AHCY: variants seen among roughly 807,000 people sequenced by gnomAD.
AHCY encodes the protein S-adenosyl-L-homocysteine hydrolase.
A neutral mutation model predicts 45.4 loss-of-function variants in AHCY; 24 were observed. The ratio of observed to expected loss-of-function variants is 0.53; its 90% CI spans 0.38 to 0.74. The LOEUF (loss-of-function observed/expected upper bound fraction) is 0.74. Among genes scored for constraint, AHCY ranks in the 30% least tolerant of loss-of-function variants. The pLI is 0.00. For missense variants in AHCY, 449 were observed against 594.1 expected (o/e 0.76, Z 2.54); for synonymous variants, 245 against 235.1 (o/e 1.04, Z -0.39).
chr20:34,253,873 C>T, the AHCY span, among the ~76,000 whole-genome samples: 1 of 152,106 alleles, frequency 6.6e-6, no homozygotes, highest in Non-Finnish European at 1.5e-5. Flanking sequence ...TTCTTTTTAT[C>T]CACCATGCTG....
chr20:34,271,756 G>T, the AHCY span, among the ~76,000 whole-genome samples: 1 of 151,856 alleles, frequency 6.6e-6, no homozygotes, highest in East Asian at 1.9e-4. Flanking sequence ...GTAGAGACAG[G>T]GTTTCACCAT....
At chr20:34,242,192 T>TTTTTA in the AHCY span, among the ~76,000 whole-genome samples, 3 of 151,568 alleles carry the variant, frequency 2.0e-5, no homozygotes, top group Non-Finnish European at 2.9e-5. Flanking sequence ...CTTTTTAAAA[T>TTTTTA]TTTTATTTTA....
chr20:34,248,422 C>T, the AHCY span, among the ~76,000 whole-genome samples: 2 of 152,166 alleles, frequency 1.3e-5, no homozygotes, highest in African/African-American at 4.8e-5. Context: ...CAGTCAAAAA[C>T]ATTATTATTC....
At chr20:34,307,733 A>G (rs903365109), upstream of AHCY, among the ~76,000 whole-genome samples, 7 of 152,248 alleles carry the variant, frequency 4.6e-5, no homozygotes, top group Non-Finnish European at 1.0e-4. Flanking sequence ...AGGTTTAATT[A>G]CAAATGATAA....
the AHCY span, among the ~76,000 whole-genome samples, chr20:34,235,845 GAAGGAAGGAAGGAAGGAAGGA>G: frequency 5.7e-4 from 21 of 36,632 alleles, no homozygotes; most frequent in African/African-American, 6.0e-3. Context: ...AAGAAAGAAG[GAAGGAAGGAAGGAAGGAAGGA>G]AAGGAAGGAA....
the AHCY span, among the ~76,000 whole-genome samples, chr20:34,256,688 A>G: frequency 6.6e-6 from 1 of 152,168 alleles, no homozygotes; most frequent in African/African-American, 2.4e-5. Context: ...TATATTATTT[A>G]TGGTAAGGAA....
the AHCY span, among the ~76,000 whole-genome samples, chr20:34,275,131 CTT>C: frequency 1.1e-3 from 111 of 99,436 alleles, no homozygotes; most frequent in South Asian, 3.3e-3. Flanking sequence ...TCTCTATTTT[CTT>C]TTTTTTTTTT....
At chr20:34,271,246 TCTC>T in the AHCY span, among the ~76,000 whole-genome samples, 1 of 152,022 alleles carries the variant, frequency 6.6e-6, no homozygotes, top group Non-Finnish European at 1.5e-5. Flanking sequence ...CCCACCTCCT[TCTC>T]CTTTTCAGAA....
chr20:34,281,610 G>C, intron 9 of AHCY: 2 of 269,640 alleles, frequency 7.4e-6, no homozygotes, highest in Non-Finnish European at 1.5e-5. Flanking sequence ...AGATCCGAGA[G>C]ACAGAAGGAC....
chr20:34,268,346 T>C, the AHCY span, among the ~76,000 whole-genome samples: 1 of 152,052 alleles, frequency 6.6e-6, no homozygotes, highest in East Asian at 1.9e-4. Flanking sequence ...GCAGCGAAGT[T>C]AACAGGGGTC....
chr20:34,297,174 G>A (rs1234183050), intron 1 of AHCY, among the ~76,000 whole-genome samples: 2 of 151,696 alleles, frequency 1.3e-5, no homozygotes, highest in Admixed American at 1.3e-4. Context: ...CTTTCCCTTT[G>A]AGAACTCACT....
the AHCY span, among the ~76,000 whole-genome samples, chr20:34,258,768 T>G: frequency 1.0e-5 from 1 of 100,378 alleles, no homozygotes; most frequent in Non-Finnish European, 1.9e-5. Flanking sequence ...ATGATATATA[T>G]AATATATATA....
At chr20:34,302,567 G>A (rs1390436321) in intron 1 of AHCY, 1 of 964,944 alleles carries the variant, frequency 1.0e-6, no homozygotes, top group Admixed American at 6.2e-5. Context: ...AGAAGGCAGT[G>A]CCGATCCCAC....
chr20:34,251,383 G>A, the AHCY span, among the ~76,000 whole-genome samples: 7 of 151,754 alleles, frequency 4.6e-5, no homozygotes, highest in East Asian at 1.4e-3. Context: ...CCATTCTCCT[G>A]CCTCAGCCTC....
At chr20:34,246,484 A>T in the AHCY span, 1 of 1,388,242 alleles carries the variant, frequency 7.2e-7, no homozygotes, top group Non-Finnish European at 1.0e-6. Flanking sequence ...CTAACTTGGC[A>T]CTGTTCCTTG....
the AHCY span, among the ~76,000 whole-genome samples, chr20:34,245,207 G>A: frequency 6.0e-5 from 9 of 150,888 alleles, no homozygotes; most frequent in Admixed American, 4.0e-4. Context: ...GGTGGCAGGC[G>A]CCTGTAATCC....
At chr20:34,244,781 T>C in the AHCY span, among the ~76,000 whole-genome samples, 1 of 152,168 alleles carries the variant, frequency 6.6e-6, no homozygotes, top group Non-Finnish European at 1.5e-5. Flanking sequence ...ATCTCCAGAA[T>C]AGCTCGAACA....
the AHCY span, among the ~76,000 whole-genome samples, chr20:34,235,868 AG>A: frequency 1.1e-4 from 3 of 26,622 alleles, no homozygotes; most frequent in East Asian, 1.2e-3. Context: ...AAGGAAGGAA[AG>A]GAAGGAAGGA....
At chr20:34,311,125 CAAACA>C (rs1425960020) in intron 1 of AHCY, among the ~76,000 whole-genome samples, 2 of 152,064 alleles carry the variant, frequency 1.3e-5, no homozygotes, top group East Asian at 1.9e-4. Context: ...GTCTAAAAAA[CAAACA>C]AAACAACAAC....
Sources: allele counts gnomAD v4.1 joint callset (sites outside exome capture counted in the v4.1 genomes callset), GRCh38; gene constraint gnomAD v4.1.1; transcripts MANE v1.5; gene names NCBI Gene and HGNC (gene_info 2026-07-23, HGNC 2026-07-21).